Variants in JAKMIP2 observed in about 807,000 individuals in gnomAD.
JAKMIP2 encodes the protein janus kinase and microtubule-interacting protein 2.
JAKMIP2 carries 25 observed loss-of-function variants against 115.0 expected under a neutral mutation model. The observed-to-expected ratio is 0.22, with a 90% CI of 0.16 to 0.30. The LOEUF (loss-of-function observed/expected upper bound fraction) is 0.30. JAKMIP2 is among the 10% of genes least tolerant of loss of function. JAKMIP2 has a pLI of 1.00. For synonymous variants in JAKMIP2, 334 were observed against 343.6 expected (o/e 0.97, Z 0.31); for missense variants, 642 against 957.6 (o/e 0.67, Z 4.35).
Position 147,646,288 on chromosome 5 carries a change from A to T in JAKMIP2, c.937-1292T>A, listed in dbSNP as rs1000585771. Among the ~76,000 whole-genome samples the T allele has an allele frequency of 2.6e-5, 4 of 152,320 alleles. No individual in the cohort carries two copies. In the East Asian group the frequency reaches 7.7e-4, roughly 29 times the overall value. On this transcript the variant is annotated intron_variant, in intron 5 of 21. Coordinates refer to ENST00000616793, the MANE Select transcript of JAKMIP2 (RefSeq NM_001270941.2). ...AAAGGCCAAAACTGGGTTTATTTTTACAAATAATCTGACTTAGTCCTGAAG... is the reference window on the plus strand; with the variant it reads ...AAAGGCCAAAACTGGGTTTATTTTTTCAAATAATCTGACTTAGTCCTGAAG...
intron 1 of JAKMIP2, among the ~76,000 whole-genome samples, chr5:147,763,709 T>C (rs1755013817): frequency 6.6e-6 from 1 of 152,128 alleles, no homozygotes. Flanking sequence ...TAGTTCCTGG[T>C]AAACAGGAGT....
chr5:147,649,577 A>G (rs898066155), intron 4 of JAKMIP2, among the ~76,000 whole-genome samples: 6 of 152,152 alleles, frequency 3.9e-5, no homozygotes, highest in African/African-American at 9.6e-5. Context: ...CAGTGTCAGA[A>G]CTAAAACTTA....
chr5:147,682,391 T>C (rs1760335140), intron 1 of JAKMIP2, among the ~76,000 whole-genome samples: 1 of 152,158 alleles, frequency 6.6e-6, no homozygotes, highest in Non-Finnish European at 1.5e-5. Context: ...CTTGATGAAA[T>C]GTTGGTTTTA....
At chr5:147,683,709 C>A (rs1760426795) in intron 1 of JAKMIP2, among the ~76,000 whole-genome samples, 1 of 152,084 alleles carries the variant, frequency 6.6e-6, no homozygotes, top group South Asian at 2.1e-4. Context: ...AAAAAGCTAT[C>A]ATAAAGCCAC....
chr5:147,622,087 G>A (rs996291421), intron 17 of JAKMIP2, among the ~76,000 whole-genome samples: 1 of 152,060 alleles, frequency 6.6e-6, no homozygotes, highest in Non-Finnish European at 1.5e-5. Flanking sequence ...GGCTGGTCTC[G>A]AACTCCTGAC....
At chr5:147,622,784 T>C (rs768267093) in intron 17 of JAKMIP2, among the ~76,000 whole-genome samples, 18 of 152,234 alleles carry the variant, frequency 1.2e-4, no homozygotes, top group Non-Finnish European at 2.1e-4. Flanking sequence ...GTGGTATTGC[T>C]GAATCACATA....
intron 17 of JAKMIP2, among the ~76,000 whole-genome samples, chr5:147,622,824 C>T (rs1756914943): frequency 6.6e-6 from 1 of 152,138 alleles, no homozygotes; most frequent in Admixed American, 6.5e-5. Flanking sequence ...TTTGAGCAAC[C>T]ACCATACTTT....
intron 20 of JAKMIP2, among the ~76,000 whole-genome samples, chr5:147,610,803 G>C (rs1393462359): frequency 3.9e-5 from 6 of 152,220 alleles, no homozygotes; most frequent in African/African-American, 1.4e-4. Context: ...TCCCCTAGGT[G>C]CTGTGTCCCA....
intron 20 of JAKMIP2, among the ~76,000 whole-genome samples, chr5:147,604,800 T>TTTATTATTATTATTA (rs145441560): frequency 1.0e-4 from 15 of 143,548 alleles, no homozygotes; most frequent in East Asian, 1.0e-3. Context: ...GGCCAGACAT[T>TTTATTATTATTATTA]TTATTATTAT....
intron 17 of JAKMIP2, 137 bp downstream of exon 17, chr5:147,623,484 A>T (rs1411872422): frequency 4.0e-6 from 2 of 501,318 alleles, no homozygotes; most frequent in African/African-American, 2.0e-5. Context: ...TTTTTTTTCC[A>T]TCTTCTGTAC....
intron 1 of JAKMIP2, among the ~76,000 whole-genome samples, chr5:147,727,393 AAG>A (rs1329758724): frequency 6.6e-6 from 1 of 152,240 alleles, no homozygotes; most frequent in Non-Finnish European, 1.5e-5. Flanking sequence ...TTATAAAGGA[AAG>A]AGCTTTAATT....
intron 1 of JAKMIP2, among the ~76,000 whole-genome samples, chr5:147,746,839 C>T (rs1754362683): frequency 6.6e-6 from 1 of 152,134 alleles, no homozygotes; most frequent in South Asian, 2.1e-4. Context: ...CCACTGGTTT[C>T]CTTTAACACA....
chr5:147,617,847 T>C, intron 19 of JAKMIP2, 64 bp downstream of exon 19: 1 of 1,292,160 alleles, frequency 7.7e-7, no homozygotes, highest in South Asian at 1.2e-5. Context: ...CAATACCGTG[T>C]ACCTAGTACT....
At chr5:147,726,477 C>T (rs1472142977) in intron 1 of JAKMIP2, among the ~76,000 whole-genome samples, 1 of 152,214 alleles carries the variant, frequency 6.6e-6, no homozygotes, top group Non-Finnish European at 1.5e-5. Context: ...GTGTGCATAA[C>T]TGGTTGAATA....
intron 3 of JAKMIP2, among the ~76,000 whole-genome samples, chr5:147,653,927 A>G (rs1198243404): frequency 6.6e-6 from 1 of 152,194 alleles, no homozygotes; most frequent in Non-Finnish European, 1.5e-5. Context: ...TTTTCTGCAT[A>G]TGCCTAGCCA....
At chr5:147,740,601 T>G (rs1259863723) in intron 1 of JAKMIP2, among the ~76,000 whole-genome samples, 2 of 152,174 alleles carry the variant, frequency 1.3e-5, no homozygotes, top group Non-Finnish European at 2.9e-5. Context: ...TTTGGACAAC[T>G]TAGAAGCAGT....
intron 1 of JAKMIP2, among the ~76,000 whole-genome samples, chr5:147,768,888 T>G (rs954948034): frequency 2.6e-5 from 4 of 152,154 alleles, no homozygotes; most frequent in Non-Finnish European, 4.4e-5. Context: ...TTAACTTTTT[T>G]GTTTATAGAC....
Position 147,616,896 on chromosome 5 carries a change from T to C in JAKMIP2, c.2346+1015A>G, listed in dbSNP as rs138606909. ...TGTCATGTCCCCCATGAATTGTTTT[T>C]ATTTGCCTCATAAAAGAACCCCTGC... is the stretch of plus-strand genomic sequence containing the variant. On this transcript the variant is annotated intron_variant, in intron 19 of 21. Transcript: ENST00000616793. 1.7e-3 allele frequency among the ~76,000 whole-genome samples: 263 copies of C among 152,342 alleles called. 1 individual carries two copies. Among genetic ancestry groups the C allele is most frequent in the African/African-American group, 5.8e-3 (243 of 41,592 alleles).
At chr5:147,760,540 A>G (rs536921483) in intron 1 of JAKMIP2, among the ~76,000 whole-genome samples, 8 of 152,246 alleles carry the variant, frequency 5.3e-5, no homozygotes, top group African/African-American at 1.7e-4. Context: ...TGACTTTAGA[A>G]TTAAGCATCA....
Sources: gnomAD v4.1 joint callset for allele counts (sites outside exome capture counted in the v4.1 genomes callset) on GRCh38, gnomAD v4.1.1 for gene constraint, MANE v1.5 for transcripts, NCBI Gene and HGNC (gene_info 2026-07-23, HGNC 2026-07-21) for gene names.